VANGL2: variants seen among roughly 807,000 people sequenced by gnomAD.
The protein encoded by VANGL2 is VANGL planar cell polarity protein 2.
A neutral mutation model predicts 50.2 loss-of-function variants in VANGL2; 14 were observed. The observed-to-expected ratio is 0.28, with a 90% confidence interval of 0.18 to 0.44. VANGL2 has a LOEUF of 0.44. Among genes scored for constraint, VANGL2 ranks in the 20% least tolerant of loss-of-function variants. The pLI, the probability that VANGL2 is intolerant of heterozygous loss-of-function variation, is 1.00. For synonymous variants in VANGL2, 295 were observed against 297.2 expected, an observed-to-expected ratio of 0.99 and a Z score of 0.08; for missense variants, 533 against 701.5, an observed-to-expected ratio of 0.76 and a Z score of 2.71.
chr1:160,407,257 G>C (rs1044230942), intron 1 of VANGL2, among the ~76,000 whole-genome samples: 8 of 152,134 alleles, frequency 5.3e-5, no homozygotes, highest in African/African-American at 1.9e-4. Context: ...GTGGAGGCCG[G>C]CTGGTACTTG....
In VANGL2 at chr1:160,419,331, G is replaced by A. The variant is rs766747974; in HGVS notation, c.522G>A (p.Ser174=). 9 of 1,610,076 alleles carry A rather than the reference G, an allele frequency of 5.6e-6. No individual in the cohort carries two copies. The highest frequency in any genetic ancestry group is 3.3e-5 in the Admixed American group (2 of 60,018). ...WALFFRRPKA[S]LPRVFVLRAL... is the part of the protein sequence containing the mutation. ...TGTTCTTCCGCCGGCCCAAGGCCTC[G>A]CTGCCCCGCGTCTTTGTGCTGCGTG... Residue 174 remains serine, a synonymous_variant, in exon 4 of 8, where the codon TCG becomes TCA. Coordinates refer to ENST00000368061, the MANE Select transcript of VANGL2 (RefSeq NM_020335.3). The surrounding 1 kb of genome is among the most constrained non-coding windows in gnomAD (Gnocchi z 5.8).
chr1:160,407,642 C>A (rs1182432071), intron 1 of VANGL2, among the ~76,000 whole-genome samples: 1 of 152,194 alleles, frequency 6.6e-6, no homozygotes, highest in Non-Finnish European at 1.5e-5. Flanking sequence ...TTGGGGCCTA[C>A]CTCGAGCAGC....
Position 160,420,414 on chromosome 1 carries a change from C to T in VANGL2, c.804C>T (p.Ile268=). 3 of 1,614,050 alleles carry T rather than the reference C, an allele frequency of 1.9e-6. No homozygotes were observed. The South Asian group carries it at 3.3e-5, about 18-fold the overall frequency. The part of the protein sequence containing the change: ...SRFYNVGHLS[I]QRVAVWILEK... Reference sequence around the variant, plus strand: ...CCTCCTGCCGTCTCCCCCACAGCATCCAGCGCGTGGCAGTGTGGATCCTGG... The same window carrying T: ...CCTCCTGCCGTCTCCCCCACAGCATTCAGCGCGTGGCAGTGTGGATCCTGG... The change falls in exon 5 of 8, where the codon ATC becomes ATT. Residue 268 remains isoleucine (I), a synonymous_variant. Coordinates refer to ENST00000368061, the MANE Select transcript of VANGL2 (RefSeq NM_020335.3).
Position 160,425,714 on chromosome 1 carries a change from G to A in VANGL2, c.*336G>A, listed in dbSNP as rs1390399060. 4.1e-6 allele frequency: 1 copy of A among 242,040 alleles called. No homozygotes were observed. The highest frequency in any genetic ancestry group is 8.1e-6 in the Non-Finnish European group (1 of 123,950). 15.0% of individuals were successfully genotyped at this position (242,040 alleles called of 1,614,324 possible). ...TACAGTCTCTCCTGAAAGGGCACAG[G>A]GCCCTGCTGATTGTACTTTCCCCTC... On this transcript the variant is annotated 3_prime_UTR_variant, in exon 8 of 8. Coordinates refer to ENST00000368061, the MANE Select transcript of VANGL2 (RefSeq NM_020335.3).
rs543939842 is a variant in VANGL2, at chr1:160,420,941, G to C, written c.938-111G>C. The C allele has an allele frequency of 4.0e-6, 6 of 1,498,234 alleles. No individual in the cohort carries two copies. The Admixed American group carries it at 1.1e-4, about 29-fold the overall frequency. The allele number at this position is 1,498,234 out of a possible 1,614,324, so 92.8% of individuals were successfully genotyped here. ...TTGGGATTAGGAGGTATTGCTGGGT[G>C]GTGGGAACAGCTTCTTCTGGACATG... is the stretch of plus-strand genomic sequence containing the variant. On this transcript the variant is annotated intron_variant, in intron 5 of 7. Transcript: ENST00000368061.
rs780528677 is a variant in VANGL2 at position 160,416,175 on chromosome 1, A to G, written c.185A>G (p.Asp62Gly). Residue 62 changes from aspartate (D) to glycine (G), a missense_variant, in exon 3 of 8, where the codon GAT becomes GGT. Asp to Gly is a moderately conservative substitution (Grantham distance 94). Transcript: ENST00000368061. ...CTGGACAATGAGTCCACACGAGGGG[A>G]TGAGCGGGTGAGCACTGGGGATGCG... ...PLLDNESTRG[D>G]ERDDNWGETT... The G allele has an allele frequency of 1.2e-6, 2 of 1,614,134 alleles. No homozygotes were observed. Among genetic ancestry groups the G allele is most frequent in the Non-Finnish European group, 1.7e-6 (2 of 1,180,012 alleles).
In VANGL2 at chr1:160,414,483, C is replaced by T. The variant is rs184389182; in HGVS notation, c.-190-1165C>T. On this transcript the variant is annotated intron_variant, in intron 1 of 7. Transcript: ENST00000368061. ...GTCCTTTTCTCAGACTTTCTAGAAC[C>T]GCTAAGTTTAAAGTGGTAGCCCTTA... Among the ~76,000 whole-genome samples the T allele has an allele frequency of 1.7e-4, 26 of 152,252 alleles. No individual in the cohort carries two copies. In the East Asian group the frequency reaches 2.3e-3, roughly 14 times the overall value.
chr1:160,407,389 C>T (rs1650711665), intron 1 of VANGL2, among the ~76,000 whole-genome samples: 1 of 152,146 alleles, frequency 6.6e-6, no homozygotes, highest in South Asian at 2.1e-4. Flanking sequence ...ACCCTCATCC[C>T]CAGTCACACT....
intron 1 of VANGL2, among the ~76,000 whole-genome samples, chr1:160,402,108 G>T (rs1348431920): frequency 1.3e-5 from 2 of 152,136 alleles, no homozygotes; most frequent in Non-Finnish European, 1.5e-5. Context: ...GGAATGAGTT[G>T]TCTTATGAAG....
intron 1 of VANGL2, among the ~76,000 whole-genome samples, 158 bp from the exon 2 acceptor site, chr1:160,415,490 C>A (rs1226457526): frequency 1.4e-4 from 21 of 152,188 alleles, no homozygotes. Context: ...GTAGGAGGAA[C>A]TGGGCCCAGT....
At chr1:160,417,986 A>G (rs1480463174) in intron 3 of VANGL2, among the ~76,000 whole-genome samples, 2 of 144,690 alleles carry the variant, frequency 1.4e-5, no homozygotes, top group Admixed American at 1.5e-4. Flanking sequence ...ATCTCTGCTC[A>G]CCACAACCTC....
rs1419059286 is a variant in VANGL2 at position 160,428,050 on chromosome 1, C to T, written c.*2672C>T. On this transcript the variant is annotated 3_prime_UTR_variant, in exon 8 of 8. Transcript: ENST00000368061. The stretch of plus-strand genomic sequence containing the variant: ...GCTCTCTTTGTTTTTTCTTATTTCC[C>T]TCTTGTCTCTCATTTTTTCTTCCCA... The T allele has an allele frequency of 6.6e-6, 1 of 152,666 alleles. No homozygotes were observed. Among genetic ancestry groups the T allele is most frequent in the Non-Finnish European group, 1.5e-5 (1 of 68,092 alleles). The allele number at this position is 152,666 out of a possible 1,614,324, so 9.5% of individuals were successfully genotyped here.
At chr1:160,414,064 A>G (rs778316620) in intron 1 of VANGL2, among the ~76,000 whole-genome samples, 10 of 152,134 alleles carry the variant, frequency 6.6e-5, no homozygotes, top group Middle Eastern at 3.2e-3. Context: ...CACCAACATT[A>G]AGTCTCAAAC....
intron 1 of VANGL2, among the ~76,000 whole-genome samples, chr1:160,401,447 A>G (rs1571231686): frequency 6.6e-6 from 1 of 151,900 alleles, no homozygotes; most frequent in South Asian, 2.1e-4. Flanking sequence ...GGCCGAGGGG[A>G]CAGGCGCTGG....
intron 1 of VANGL2, among the ~76,000 whole-genome samples, chr1:160,409,379 C>T (rs539920975): frequency 6.6e-6 from 1 of 152,286 alleles, no homozygotes; most frequent in African/African-American, 2.4e-5. Context: ...TCTAAGGCCC[C>T]TTTCAGCTTG....
chr1:160,404,406 A>C (rs1196910545), intron 1 of VANGL2, among the ~76,000 whole-genome samples: 1 of 152,186 alleles, frequency 6.6e-6, no homozygotes, highest in African/African-American at 2.4e-5. Flanking sequence ...GATTTTAAAA[A>C]AATTAAGGTG....
At chr1:160,416,905 C>T (rs1651078374) in intron 3 of VANGL2, among the ~76,000 whole-genome samples, 1 of 152,162 alleles carries the variant, frequency 6.6e-6, no homozygotes, top group African/African-American at 2.4e-5. Flanking sequence ...AGATTCCCAG[C>T]TCCTTTTTCC....
intron 1 of VANGL2, among the ~76,000 whole-genome samples, chr1:160,401,467 C>G (rs553848493): frequency 3.8e-4 from 58 of 152,034 alleles, no homozygotes; most frequent in Non-Finnish European, 7.2e-4. Context: ...GCATCCCTCT[C>G]CCCACTCATA....
At position 160,419,589 on chromosome 1, in the gene VANGL2, C is replaced by T. The variant is rs199750303; in HGVS notation, c.780C>T (p.Phe260=). The change falls in exon 4 of 8, where the codon TTC becomes TTT. Residue 260 remains phenylalanine (F), a synonymous_variant. Coordinates refer to ENST00000368061, the MANE Select transcript of VANGL2 (RefSeq NM_020335.3). The surrounding 1 kb of genome is among the most constrained non-coding windows in gnomAD (Gnocchi z 5.8). ...GCTCCACCGACGGCGCCAGCCGCTT[C>T]TACAACGTTGGCCATCTCAGGTACT... The part of the protein sequence containing the change: ...VVRSTDGASR[F]YNVGHLSIQR... 8.8e-6 allele frequency: 14 copies of T among 1,599,444 alleles called. No homozygotes were observed. The African/African-American group carries it at 1.7e-4, about 20-fold the overall frequency.
Sources: gnomAD v4.1 joint callset for allele counts (sites outside exome capture counted in the v4.1 genomes callset) on GRCh38, gnomAD v4.1.1 for gene constraint, Gnocchi (gnomAD v3.1) non-coding constraint, MANE v1.5 for transcripts, NCBI Gene and HGNC (gene_info 2026-07-23, HGNC 2026-07-21) for gene names.